TRIM29: variants seen among roughly 807,000 people sequenced by gnomAD.
The protein encoded by TRIM29 is tripartite motif containing 29.
TRIM29 carries 52 observed loss-of-function variants against 57.3 expected under a neutral mutation model. The observed-to-expected ratio is 0.91, with a 90% confidence interval of 0.73 to 1.14. The LOEUF (loss-of-function observed/expected upper bound fraction) is 1.14. Among genes scored for constraint, TRIM29 ranks in the 50% most tolerant of loss-of-function variants. The pLI is 0.00. For missense variants in TRIM29, 753 were observed against 774.6 expected, an observed-to-expected ratio of 0.97 and a Z score of 0.33; for synonymous variants, 319 against 316.9, an observed-to-expected ratio of 1.01 and a Z score of -0.07.
chr11:120,122,889 C>T (rs1461603137), intron 5 of TRIM29, 65 bp downstream of exon 5: 32 of 1,370,698 alleles, frequency 2.3e-5, no homozygotes, highest in East Asian at 4.6e-5. Flanking sequence ...AGTCACTGCA[C>T]GGACTTTGGG....
In TRIM29 at chr11:120,138,109, G is replaced by A; in HGVS notation, c.-78C>T. On this transcript the variant is annotated 5_prime_UTR_variant, in exon 1 of 9. Transcript: ENST00000341846. ...ACCTTTCTGGCAGGCGTCTCGGCAG[G>A]GAGTGGGGCAGGCAACCACGAGGAC... is the stretch of plus-strand genomic sequence containing the variant. The A allele has an allele frequency of 6.9e-7, 1 of 1,442,734 alleles. No homozygotes were observed. The highest frequency in any genetic ancestry group is 9.1e-7 in the Non-Finnish European group (1 of 1,093,866). The allele number at this position is 1,442,734 out of a possible 1,614,324, so 89.4% of individuals were successfully genotyped here. A position where few individuals can be genotyped will look rare whatever the true frequency, so the allele number is the denominator to read the frequency against.
intron 1 of TRIM29, among the ~76,000 whole-genome samples, chr11:120,130,964 T>C (rs142713784): frequency 3.4e-4 from 51 of 152,124 alleles, no homozygotes; most frequent in African/African-American, 1.1e-3. Context: ...AGGGAGTGCA[T>C]AGAGAGGCTG....
chr11:120,122,163 T>TGAGAGA (rs1555050299), intron 5 of TRIM29, among the ~76,000 whole-genome samples: 2 of 148,862 alleles, frequency 1.3e-5, no homozygotes, highest in Non-Finnish European at 3.0e-5. Context: ...TGTGTGTGTG[T>TGAGAGA]GAAAGACGTG....
chr11:120,123,399 T>A, intron 4 of TRIM29: 1 of 489,318 alleles, frequency 2.0e-6, no homozygotes, highest in Non-Finnish European at 4.0e-6. Flanking sequence ...TGTATCCCCC[T>A]GAGACAGATA....
rs562038115 is a variant in TRIM29 at position 120,131,586 on chromosome 11, C to G, written c.805-3091G>C. 2.0e-5 allele frequency among the ~76,000 whole-genome samples: 3 copies of G among 152,032 alleles called. No homozygotes were observed. The East Asian group carries it at 5.8e-4, about 29-fold the overall frequency. Reference sequence around the variant, plus strand: ...ACACAGGCTGGGAAGGGGCCTTGTTCCCACAGCATGTCTTGCAAGACCAGA... The same window carrying G: ...ACACAGGCTGGGAAGGGGCCTTGTTGCCACAGCATGTCTTGCAAGACCAGA... On this transcript the variant is annotated intron_variant, in intron 1 of 8. Transcript: ENST00000341846.
chr11:120,126,086 T>C lies in TRIM29; in HGVS notation c.1135-197A>G, dbSNP rs1044789718. The stretch of plus-strand genomic sequence containing the variant: ...TGGATGCTAACATCCCTGATGGCAC[T>C]AGCGTTCAGATGTGTGACTCCACGA... On this transcript the variant is annotated intron_variant, in intron 3 of 8. Coordinates refer to ENST00000341846, the MANE Select transcript of TRIM29 (RefSeq NM_012101.4). 2.5e-5 allele frequency: 15 copies of C among 599,436 alleles called. No individual in the cohort carries two copies. In the African/African-American group the frequency reaches 2.8e-4, roughly 11 times the overall value. The allele number at this position is 599,436 out of a possible 1,614,324, so 37.1% of individuals were successfully genotyped here.
intron 2 of TRIM29, among the ~76,000 whole-genome samples, 152 bp downstream of exon 2, chr11:120,128,247 TG>T (rs1863640007): frequency 6.6e-6 from 1 of 151,996 alleles, no homozygotes; most frequent in Non-Finnish European, 1.5e-5. Context: ...GAAGGGGAGT[TG>T]GTGAGAATGT....
chr11:120,123,150 C>A (rs750282071), intron 4 of TRIM29, 95 bp from the exon 5 acceptor site: 2 of 990,074 alleles, frequency 2.0e-6, no homozygotes, highest in South Asian at 2.6e-5. Context: ...CACCCCATAG[C>A]CCTTCCCCTA....
At position 120,128,994 on chromosome 11, in the gene TRIM29, G is replaced by A. The variant is rs1863662705; in HGVS notation, c.805-499C>T. On this transcript the variant is annotated intron_variant, in intron 1 of 8. Coordinates refer to ENST00000341846, the MANE Select transcript of TRIM29 (RefSeq NM_012101.4). ...CAGCAGCCAGGGTTGCCGCCGGCGT[G>A]GACTCCGTCTGGGCAGGCACAGCTA... 6.8e-5 allele frequency: 78 copies of A among 1,153,268 alleles called. No individual in the cohort carries two copies. In the South Asian group the frequency reaches 1.2e-3, roughly 18 times the overall value. 71.4% of individuals were successfully genotyped at this position (1,153,268 alleles called of 1,614,324 possible). A position where few individuals can be genotyped will look rare whatever the true frequency, so the allele number is the denominator to read the frequency against.
At position 120,125,799 on chromosome 11, in the gene TRIM29, G is replaced by C; in HGVS notation, c.1225C>G (p.Leu409Val). 6.2e-7 allele frequency: 1 copy of C among 1,614,162 alleles called. No individual in the cohort carries two copies. The highest frequency in any genetic ancestry group is 8.5e-7 in the Non-Finnish European group (1 of 1,180,030). The stretch of plus-strand genomic sequence containing the variant: ...AGCAGGTCGTCCTTGAAGTTGCCTA[G>C]TGACTGTCCCAGGCCCTCCCCCTCC... ...LLEGEGLGQSLGNFKDDLLNV... is the reference protein window; with the variant it reads ...LLEGEGLGQSVGNFKDDLLNV... The change falls in exon 4 of 9, where the codon CTA becomes GTA. Residue 409 changes from leucine to valine, a missense_variant. Physicochemically the swap from Leu to Val is conservative, Grantham distance 32. Transcript: ENST00000341846.
chr11:120,133,095 C>G lies in TRIM29; in HGVS notation c.804+4133G>C, dbSNP rs565135601. 2.1e-4 allele frequency among the ~76,000 whole-genome samples: 32 copies of G among 152,286 alleles called. No individual in the cohort carries two copies. In the South Asian group the frequency reaches 6.2e-3, roughly 30 times the overall value. ...TTGGTTTCCTTGTGGTGAAATTGGA[C>G]TAGATCTCTGATTCCCAACCCAGCT... On this transcript the variant is annotated intron_variant, in intron 1 of 8. Coordinates refer to ENST00000341846, the MANE Select transcript of TRIM29 (RefSeq NM_012101.4).
At chr11:120,133,404 G>A (rs1184309869) in intron 1 of TRIM29, among the ~76,000 whole-genome samples, 1 of 152,224 alleles carries the variant, frequency 6.6e-6, no homozygotes, top group African/African-American at 2.4e-5. Context: ...TGCTGGGCCC[G>A]GCACTGGCAC....
At chr11:120,117,074 AGGCATTAGT>A (rs1280499242) in intron 7 of TRIM29, 4 of 426,016 alleles carry the variant, frequency 9.4e-6, no homozygotes, top group Non-Finnish European at 1.9e-5. Flanking sequence ...GGAGAGAGAG[AGGCATTAGT>A]GGCACAGCGC....
chr11:120,114,515 G>A (rs1038379140), intron 8 of TRIM29, among the ~76,000 whole-genome samples: 1 of 152,214 alleles, frequency 6.6e-6, no homozygotes, highest in Non-Finnish European at 1.5e-5. Flanking sequence ...CCTGGTTCCA[G>A]CAGAGCTCCT....
In TRIM29 at chr11:120,137,353, C is replaced by G. The variant is rs767234514; in HGVS notation, c.679G>C (p.Val227Leu). 5 of 1,613,894 alleles carry G rather than the reference C, an allele frequency of 3.1e-6. No individual in the cohort carries two copies. The highest frequency in any genetic ancestry group is 1.7e-5 in the Admixed American group (1 of 60,010). The stretch of plus-strand genomic sequence containing the variant: ...AAGAGCTCCATCGTCTTGCCATGCA[C>G]GGGACACTTGCGGGCCTCAAAGTCC... ...IRDFEARKCP[V>L]HGKTMELFCQ... is the part of the protein sequence containing the mutation. Residue 227 changes from valine to leucine, a missense_variant, in exon 1 of 9, where the codon GTG (valine) becomes CTG (leucine). Coordinates refer to ENST00000341846, the MANE Select transcript of TRIM29 (RefSeq NM_012101.4). The surrounding 1 kb of genome is among the most constrained non-coding windows in gnomAD (Gnocchi z 6.2).
intron 1 of TRIM29, chr11:120,128,972 C>G: frequency 7.7e-7 from 1 of 1,291,308 alleles, no homozygotes; most frequent in East Asian, 3.6e-5. Flanking sequence ...TTGCAAGCAG[C>G]AGCCAGGGTT....
intron 7 of TRIM29, chr11:120,115,748 A>C: frequency 3.7e-6 from 1 of 271,560 alleles, no homozygotes. Context: ...GGAGGTTTAC[A>C]CCACGGGCCC....
chr11:120,126,519 C>T (rs1863593940), intron 3 of TRIM29, among the ~76,000 whole-genome samples: 1 of 152,172 alleles, frequency 6.6e-6, no homozygotes, highest in African/African-American at 2.4e-5. Flanking sequence ...GCTGGGATTA[C>T]AGGCGTGAGC....
chr11:120,118,068 A>G (rs1208521678), intron 7 of TRIM29, 155 bp downstream of exon 7: 8 of 693,214 alleles, frequency 1.2e-5, no homozygotes, highest in Non-Finnish European at 2.0e-5. Flanking sequence ...CATTTTCAGC[A>G]AAGACCATGG....
Sources: allele counts gnomAD v4.1 joint callset (sites outside exome capture counted in the v4.1 genomes callset), GRCh38; gene constraint gnomAD v4.1.1; non-coding constraint Gnocchi (gnomAD v3.1); transcripts MANE v1.5; gene names NCBI Gene and HGNC (gene_info 2026-07-23, HGNC 2026-07-21).